TTC27: variants seen among roughly 807,000 people sequenced by gnomAD.
TTC27 encodes tetratricopeptide repeat domain 27.
Under a neutral mutation model 115.9 loss-of-function variants are expected in TTC27, and 79 were observed. The ratio of observed to expected loss-of-function variants is 0.68; its 90% CI spans 0.57 to 0.82. The LOEUF is 0.82. TTC27 is among the 40% of genes least tolerant of loss of function. The pLI, the probability that TTC27 is intolerant of heterozygous loss-of-function variation, is 0.00. For missense variants in TTC27, 1,054 were observed against 993.1 expected (o/e 1.06, Z -0.82); for synonymous variants, 401 against 356.0 (o/e 1.13, Z -1.42).
At chr2:32,669,479 A>G (rs963881630) in intron 7 of TTC27, among the ~76,000 whole-genome samples, 7 of 152,232 alleles carry the variant, frequency 4.6e-5, no homozygotes, top group African/African-American at 1.7e-4. Flanking sequence ...CTTGTGTTAA[A>G]CACATTATTA....
intron 9 of TTC27, among the ~76,000 whole-genome samples, chr2:32,684,952 GA>G (rs1328561618): frequency 6.9e-6 from 1 of 145,530 alleles, no homozygotes; most frequent in African/African-American, 2.5e-5. Flanking sequence ...TAAATAAGAG[GA>G]AACAACAACT....
chr2:32,682,151 A>G (rs957382291), intron 9 of TTC27, among the ~76,000 whole-genome samples: 1 of 152,066 alleles, frequency 6.6e-6, no homozygotes, highest in Non-Finnish European at 1.5e-5. Flanking sequence ...GAATAAATGC[A>G]TGCAGAATAA....
chr2:32,696,608 T>C (rs771764403), intron 9 of TTC27, among the ~76,000 whole-genome samples: 12 of 152,164 alleles, frequency 7.9e-5, no homozygotes, highest in Non-Finnish European at 1.2e-4. Flanking sequence ...CCACATTTTA[T>C]GATCCATTCC....
rs781126132 is a variant in TTC27 at position 32,640,282 on chromosome 2, G to C, written c.409G>C (p.Asp137His). ...FQQFSEVKGL[D>H]AFVLSLLTLD... Reference sequence around the variant, plus strand: ...ATCCTTTTTTCAGGTTAAAGGACTGGATGCATTTGTTCTGAGCCTGCTCAC... The same window carrying C: ...ATCCTTTTTTCAGGTTAAAGGACTGCATGCATTTGTTCTGAGCCTGCTCAC... Residue 137 changes from aspartate (D) to histidine (H), a missense_variant, in exon 4 of 20, where the codon GAT becomes CAT. Coordinates refer to ENST00000317907, the MANE Select transcript of TTC27 (RefSeq NM_017735.5). The C allele has an allele frequency of 6.2e-5, 100 of 1,613,622 alleles. No individual in the cohort carries two copies. Among genetic ancestry groups the C allele is most frequent in the Non-Finnish European group, 8.2e-5 (97 of 1,179,890 alleles).
Position 32,714,336 on chromosome 2 carries a change from T to A in TTC27, c.1233+11416T>A, listed in dbSNP as rs185294003. 3.5e-4 allele frequency among the ~76,000 whole-genome samples: 53 copies of A among 152,100 alleles called. 3 individuals are homozygous for A. The East Asian group carries it at 0.01, about 29-fold the overall frequency. On this transcript the variant is annotated intron_variant, in intron 10 of 19. Coordinates refer to ENST00000317907, the MANE Select transcript of TTC27 (RefSeq NM_017735.5). ...ACCATGCCTGGCTAATTTTTTGTATTTTTAGTAGAGGCAGGGTTTCACCAT... is the reference window on the plus strand; with the variant it reads ...ACCATGCCTGGCTAATTTTTTGTATATTTAGTAGAGGCAGGGTTTCACCAT...
At chr2:32,690,929 T>C (rs911375210) in intron 9 of TTC27, among the ~76,000 whole-genome samples, 5 of 152,226 alleles carry the variant, frequency 3.3e-5, no homozygotes, top group African/African-American at 1.2e-4. Flanking sequence ...TGGGTGGGCA[T>C]CGTTCGATTT....
chr2:32,770,952 T>A (rs1457260255), intron 13 of TTC27, among the ~76,000 whole-genome samples: 4 of 152,214 alleles, frequency 2.6e-5, no homozygotes, highest in Admixed American at 2.6e-4. Context: ...CTTTCCTTTT[T>A]ATTTTTCCCT....
At chr2:32,671,310 G>A (rs1218930238) in intron 7 of TTC27, among the ~76,000 whole-genome samples, 1 of 151,584 alleles carries the variant, frequency 6.6e-6, no homozygotes, top group Non-Finnish European at 1.5e-5. Context: ...TTTCCAAATG[G>A]ATATCCAGTT....
At chr2:32,631,588 G>A (rs958157601) in intron 2 of TTC27, among the ~76,000 whole-genome samples, 2 of 152,084 alleles carry the variant, frequency 1.3e-5, no homozygotes, top group African/African-American at 4.8e-5. Context: ...TCTACTATCT[G>A]TGGCAACCAT....
At chr2:32,804,150 A>G (rs1186653022) in intron 16 of TTC27, among the ~76,000 whole-genome samples, 2 of 152,226 alleles carry the variant, frequency 1.3e-5, no homozygotes, top group Non-Finnish European at 2.9e-5. Flanking sequence ...TAATAGCTGT[A>G]TATACCTTTT....
intron 4 of TTC27, among the ~76,000 whole-genome samples, chr2:32,647,138 G>A (rs1307592958): frequency 2.0e-5 from 3 of 151,602 alleles, no homozygotes; most frequent in African/African-American, 7.3e-5. Flanking sequence ...GTAGAAATGG[G>A]GTCTCTCTGT....
intron 12 of TTC27, among the ~76,000 whole-genome samples, chr2:32,746,562 T>TTAAAAAAAAA (rs1558322041): frequency 1.6e-3 from 1 of 638 alleles, no homozygotes; most frequent in African/African-American, 4.5e-3. Flanking sequence ...AAACTCCATC[T>TTAAAAAAAAA]CAAAAAAAAA....
Position 32,628,370 on chromosome 2 carries a change from C to T in TTC27, c.78C>T (p.Val26=). Residue 26 remains valine (V), a synonymous_variant, in exon 1 of 20, where the codon GTC becomes GTT. Transcript: ENST00000317907. The part of the protein sequence containing the change: ...AERQQWKQEG[V]VGSESGSFLQ... ...GGCAGCAATGGAAACAGGAGGGGGTCGTCGGTTCAGGTGAGAGGCGCACCT... is the reference window on the plus strand; with the variant it reads ...GGCAGCAATGGAAACAGGAGGGGGTTGTCGGTTCAGGTGAGAGGCGCACCT... The T allele has an allele frequency of 1.9e-6, 3 of 1,601,874 alleles. No individual in the cohort carries two copies. Among genetic ancestry groups the T allele is most frequent in the Non-Finnish European group, 2.6e-6 (3 of 1,175,496 alleles).
intron 14 of TTC27, among the ~76,000 whole-genome samples, chr2:32,780,479 G>A (rs1670137748): frequency 2.0e-5 from 3 of 151,884 alleles, no homozygotes; most frequent in Non-Finnish European, 4.4e-5. Flanking sequence ...TTGCTCTGTT[G>A]CTCAGGCTGA....
At chr2:32,716,485 T>C (rs145625413) in intron 10 of TTC27, among the ~76,000 whole-genome samples, 143 of 152,308 alleles carry the variant, frequency 9.4e-4, no homozygotes, top group African/African-American at 3.2e-3. Context: ...TGGTTTCCAT[T>C]ATAACTTTAA....
At chr2:32,773,929 C>A (rs1669910843) in intron 13 of TTC27, among the ~76,000 whole-genome samples, 1 of 152,130 alleles carries the variant, frequency 6.6e-6, no homozygotes, top group Non-Finnish European at 1.5e-5. Context: ...TAATGGTAGC[C>A]ACTAGCCATG....
At chr2:32,793,191 T>C (rs1670593493) in intron 16 of TTC27, among the ~76,000 whole-genome samples, 1 of 152,152 alleles carries the variant, frequency 6.6e-6, no homozygotes. Context: ...TTAATAAGAT[T>C]ATCAGCAGAT....
At chr2:32,820,538 T>C (rs773280181) in intron 19 of TTC27, among the ~76,000 whole-genome samples, 95 of 152,354 alleles carry the variant, frequency 6.2e-4, no homozygotes, top group Non-Finnish European at 1.2e-3. Flanking sequence ...TCAAAAACCA[T>C]CCTATAACAT....
At chr2:32,702,215 A>G (rs539628655) in intron 9 of TTC27, among the ~76,000 whole-genome samples, 1 of 152,166 alleles carries the variant, frequency 6.6e-6, no homozygotes, top group Non-Finnish European at 1.5e-5. Flanking sequence ...GGTGGCATCA[A>G]CTTTCAGATA....
Sources: gnomAD v4.1 joint callset for allele counts (sites outside exome capture counted in the v4.1 genomes callset) on GRCh38, gnomAD v4.1.1 for gene constraint, MANE v1.5 for transcripts, NCBI Gene and HGNC (gene_info 2026-07-23, HGNC 2026-07-21) for gene names.